WWP2: variants seen among roughly 807,000 people sequenced by gnomAD.
WWP2 encodes the protein NEDD4-like E3 ubiquitin-protein ligase WWP2.
Under a neutral mutation model 121.0 loss-of-function variants are expected in WWP2, and 57 were observed. The ratio of observed to expected loss-of-function variants is 0.47; its 90% CI spans 0.38 to 0.59. The LOEUF is 0.59. Ranked by LOEUF, WWP2 falls within the 20% of genes least tolerant of loss-of-function variation. WWP2 has a pLI of 0.00. For synonymous variants in WWP2, 449 were observed against 441.3 expected (o/e 1.02, Z -0.22); for missense variants, 962 against 1,158.9 (o/e 0.83, Z 2.47).
intron 4 of WWP2, among the ~76,000 whole-genome samples, chr16:69,828,350 A>G (rs1462862167): frequency 1.3e-5 from 2 of 151,914 alleles, no homozygotes; most frequent in Non-Finnish European, 2.9e-5. Context: ...TTGCAAGGTC[A>G]TCATCTATTA....
chr16:69,938,935 G>A lies in WWP2; in HGVS notation c.2344-92G>A, dbSNP rs2058838153. 1.0e-5 allele frequency: 12 copies of A among 1,196,122 alleles called. No individual in the cohort carries two copies. In the Admixed American group the frequency reaches 1.2e-4, roughly 12 times the overall value. 74.1% of individuals were successfully genotyped at this position (1,196,122 alleles called of 1,614,324 possible). ...CTGGCTTTGTGTTCTCAGCCCCAAA[G>A]AGGGGCCCCGCTGAGCTAGAGAGCT... On this transcript the variant is annotated intron_variant, in intron 21 of 23. Coordinates refer to ENST00000359154, the MANE Select transcript of WWP2 (RefSeq NM_001270454.2).
intron 4 of WWP2, among the ~76,000 whole-genome samples, chr16:69,806,993 T>TTC (rs1168417903): frequency 5.0e-5 from 7 of 139,414 alleles, no homozygotes; most frequent in Non-Finnish European, 3.2e-5. Context: ...TTCATTCATT[T>TTC]ATAGCTTTTC....
intron 6 of WWP2, among the ~76,000 whole-genome samples, chr16:69,854,205 T>G (rs1202281724): frequency 6.6e-6 from 1 of 152,212 alleles, no homozygotes. Context: ...AGTATGGGTG[T>G]TGGAGAAATG....
At chr16:69,849,859 A>T (rs887592382) in intron 6 of WWP2, among the ~76,000 whole-genome samples, 1 of 18,880 alleles carries the variant, frequency 5.3e-5, no homozygotes, top group Non-Finnish European at 7.8e-5. Flanking sequence ...ACATTGGTTT[A>T]TTTTGCATCA....
chr16:69,861,352 C>A (rs1394734543), intron 6 of WWP2, among the ~76,000 whole-genome samples: 1 of 152,182 alleles, frequency 6.6e-6, no homozygotes, highest in Admixed American at 6.5e-5. Context: ...ATTTACTATA[C>A]CTTCTCTCTC....
intron 4 of WWP2, chr16:69,838,913 A>G (rs1254352327): frequency 1.0e-6 from 1 of 983,718 alleles, no homozygotes. Context: ...ATCTTATTAT[A>G]ATAGATCTTT....
intron 1 of WWP2, among the ~76,000 whole-genome samples, chr16:69,777,613 T>C (rs1051540870): frequency 6.6e-6 from 1 of 151,952 alleles, no homozygotes; most frequent in African/African-American, 2.4e-5. Context: ...TATTTTCTTT[T>C]AAAAAAATCT....
chr16:69,929,004 C>T (rs1019330397), intron 11 of WWP2, among the ~76,000 whole-genome samples: 23 of 152,146 alleles, frequency 1.5e-4, no homozygotes, highest in Non-Finnish European at 3.2e-4. Flanking sequence ...AGGACAGAGG[C>T]GCCCAGGTTA....
At chr16:69,847,463 G>A (rs1306003488) in intron 6 of WWP2, among the ~76,000 whole-genome samples, 1 of 149,702 alleles carries the variant, frequency 6.7e-6, no homozygotes, top group Non-Finnish European at 1.5e-5. Flanking sequence ...AGGGTGGACT[G>A]CAATGGTGCA....
rs10578834 is a variant in WWP2, at chr16:69,795,259, T to TACACACAC, written c.71-3395_71-3388dup. Among the ~76,000 whole-genome samples, 301 of 93,088 alleles carry TACACACAC rather than the reference T, an allele frequency of 3.2e-3. 1 individual carries two copies. Among genetic ancestry groups the TACACACAC allele is most frequent in the Admixed American group, 8.9e-3 (89 of 10,012 alleles). The allele number at this position is 93,088 out of a possible 152,430, so 61.1% of individuals were successfully genotyped here. On this transcript the variant is annotated intron_variant, in intron 2 of 23. Transcript: ENST00000359154. ...TTTTACCTAGGAAAAAAAATGCGGA[T>TACACACAC]ACACACACACACACACACACACACA...
At chr16:69,825,615 GGGTTTTTTTTTTTT>G (rs1025231467) in intron 4 of WWP2, among the ~76,000 whole-genome samples, 6 of 150,288 alleles carry the variant, frequency 4.0e-5, no homozygotes, top group African/African-American at 1.2e-4. Flanking sequence ...TAGCAGAAGT[GGGTTTTTTTTTTTT>G]GGTTTTTTTT....
intron 21 of WWP2, among the ~76,000 whole-genome samples, chr16:69,938,689 A>G (rs1010520265): frequency 1.3e-5 from 2 of 152,224 alleles, no homozygotes; most frequent in Non-Finnish European, 2.9e-5. Context: ...CTAATTCTGG[A>G]ACATTTCATC....
At chr16:69,825,424 CA>C (rs34284992) in intron 4 of WWP2, among the ~76,000 whole-genome samples, 72 of 131,728 alleles carry the variant, frequency 5.5e-4, no homozygotes, top group Admixed American at 9.1e-4. Flanking sequence ...ATTCCATCTC[CA>C]AAAAAAAAAA....
At chr16:69,923,368 AT>A (rs900960366) in intron 10 of WWP2, among the ~76,000 whole-genome samples, 4 of 151,964 alleles carry the variant, frequency 2.6e-5, no homozygotes, top group African/African-American at 9.6e-5. Context: ...TACCAAGGAA[AT>A]TTTTTAAAAA....
chr16:69,766,981 T>C (rs1229829692), intron 1 of WWP2, among the ~76,000 whole-genome samples: 2 of 151,882 alleles, frequency 1.3e-5, no homozygotes, highest in Non-Finnish European at 2.9e-5. Context: ...CTCAAAATCC[T>C]GACCTCAAGT....
chr16:69,766,251 G>A (rs993607081), intron 1 of WWP2, among the ~76,000 whole-genome samples: 5 of 152,112 alleles, frequency 3.3e-5, no homozygotes, highest in African/African-American at 7.2e-5. Flanking sequence ...AACTCAGCTC[G>A]TCCACAAAGC....
intron 23 of WWP2, among the ~76,000 whole-genome samples, 159 bp from the exon 24 acceptor site, chr16:69,939,682 C>G (rs979764189): frequency 6.6e-6 from 1 of 150,670 alleles, no homozygotes; most frequent in African/African-American, 2.5e-5. Context: ...CCTTAACACC[C>G]CATGGTCCAG....
At chr16:69,909,851 T>C (rs2058353962) in intron 9 of WWP2, 1 of 392,218 alleles carries the variant, frequency 2.5e-6, no homozygotes, top group Non-Finnish European at 3.5e-6. Flanking sequence ...CTTCAAAAAT[T>C]ATCAACTCAT....
intron 6 of WWP2, among the ~76,000 whole-genome samples, chr16:69,859,289 A>G (rs1181143935): frequency 2.0e-5 from 3 of 152,194 alleles, no homozygotes; most frequent in Non-Finnish European, 4.4e-5. Context: ...ACAGTGGCTC[A>G]CGCCTGTAAT....
Sources: allele counts gnomAD v4.1 joint callset (sites outside exome capture counted in the v4.1 genomes callset), GRCh38; gene constraint gnomAD v4.1.1; transcripts MANE v1.5; gene names NCBI Gene and HGNC (gene_info 2026-07-23, HGNC 2026-07-21).